Variants in ACADS observed in about 807,000 individuals in gnomAD.
ACADS encodes the protein acyl-CoA dehydrogenase short chain.
ACADS carries 28 observed loss-of-function variants against 46.8 expected under a neutral mutation model. That is an observed-to-expected ratio of 0.60 (90% confidence interval 0.44 to 0.82). The LOEUF (loss-of-function observed/expected upper bound fraction) is 0.82. Among genes scored for constraint, ACADS ranks in the 40% least tolerant of loss-of-function variants. The pLI is 0.00. For missense variants in ACADS, 528 were observed against 578.0 expected (o/e 0.91, Z 0.89); for synonymous variants, 236 against 237.7 (o/e 0.99, Z 0.07).
At chr12:120,732,281 CCCGGACGGGGCGGCTGG>C (rs1883272946) in intron 2 of ACADS, among the ~76,000 whole-genome samples, 1 of 149,972 alleles carries the variant, frequency 6.7e-6, no homozygotes, top group Non-Finnish European at 1.5e-5. Context: ...CCACCTCCCT[CCCGGACGGGGCGGCTGG>C]CCGGGCGGGG....
At chr12:120,735,290 GA>G (rs1276943037) in intron 2 of ACADS, among the ~76,000 whole-genome samples, 1 of 54,526 alleles carries the variant, frequency 1.8e-5, no homozygotes, top group Non-Finnish European at 3.6e-5. Flanking sequence ...AAAAAAAAAA[GA>G]AAAAAGAAAC....
chr12:120,739,365 C>T lies in ACADS; in HGVS notation c.1156C>T (p.Arg386Cys), dbSNP rs537072819. The change falls in exon 10 of 10, where the codon CGC (arginine) becomes TGC (cysteine). Residue 386 changes from arginine to cysteine, a missense_variant. Physicochemically the swap from Arg to Cys is radical, Grantham distance 180. Transcript: ENST00000242592. ...MPAERHYRDA[R>C]ITEIYEGTSE... ...GGCAGAGCGGCACTACCGCGACGCC[C>T]GCATCACTGAGATCTACGAGGGCAC... is the stretch of plus-strand genomic sequence containing the variant. 5.9e-5 allele frequency: 95 copies of T among 1,612,986 alleles called. No homozygotes were observed. Among genetic ancestry groups the T allele is most frequent in the South Asian group, 1.4e-4 (13 of 91,078 alleles).
chr12:120,727,129 G>A lies in ACADS; in HGVS notation c.150G>A (p.Glu50=), dbSNP rs1883110082. Residue 50 remains glutamate, a synonymous_variant, in exon 2 of 10, where the codon GAG becomes GAA. Transcript: ENST00000242592. ...MLLQTCRDFA[E]KELFPIAAQV... ...TCCAGACATGCCGGGACTTTGCCGAGAAGGAGTTGTTTCCCATTGCAGCCC... is the reference window on the plus strand; with the variant it reads ...TCCAGACATGCCGGGACTTTGCCGAAAAGGAGTTGTTTCCCATTGCAGCCC... 6.2e-7 allele frequency: 1 copy of A among 1,614,176 alleles called. No individual in the cohort carries two copies. The highest frequency in any genetic ancestry group is 2.2e-5 in the East Asian group (1 of 44,886).
chr12:120,730,811 A>G (rs926672248), intron 2 of ACADS, among the ~76,000 whole-genome samples: 1 of 152,240 alleles, frequency 6.6e-6, no homozygotes, highest in South Asian at 2.1e-4. Flanking sequence ...GTCCAGGGAG[A>G]TCTGAAGGTG....
chr12:120,733,790 A>T (rs1239435275), intron 2 of ACADS, among the ~76,000 whole-genome samples: 1 of 151,190 alleles, frequency 6.6e-6, no homozygotes, highest in Non-Finnish European at 1.5e-5. Flanking sequence ...AAAGCAATAC[A>T]GATATATTCT....
In ACADS at chr12:120,728,867, G is replaced by A. The variant is rs532856628; in HGVS notation, c.210+1678G>A. Among the ~76,000 whole-genome samples, 32 of 152,316 alleles carry A rather than the reference G, an allele frequency of 2.1e-4. No individual in the cohort carries two copies. Among genetic ancestry groups the A allele is most frequent in the African/African-American group, 7.2e-4 (30 of 41,572 alleles). Reference sequence around the variant, plus strand: ...TTTTTATATGAGGGACCCACTAACCGTTTCCCAGATATGAAGGCAGCAGGT... The same window carrying A: ...TTTTTATATGAGGGACCCACTAACCATTTCCCAGATATGAAGGCAGCAGGT... On this transcript the variant is annotated intron_variant, in intron 2 of 9. Coordinates refer to ENST00000242592, the MANE Select transcript of ACADS (RefSeq NM_000017.4). The surrounding 1 kb of genome is among the most constrained non-coding windows in gnomAD (Gnocchi z 4.0).
chr12:120,733,366 C>G (rs1243607142), intron 2 of ACADS, among the ~76,000 whole-genome samples: 1 of 152,098 alleles, frequency 6.6e-6, no homozygotes, highest in Admixed American at 6.5e-5. Context: ...TACCAAAGTG[C>G]TGGGAATACA....
intron 2 of ACADS, among the ~76,000 whole-genome samples, chr12:120,733,391 C>T (rs1234172571): frequency 6.6e-6 from 1 of 152,154 alleles, no homozygotes; most frequent in African/African-American, 2.4e-5. Context: ...TGAGCCACTG[C>T]GCCTGGCAAA....
At chr12:120,738,218 G>C in intron 5 of ACADS, 62 bp from the exon 6 acceptor site, 1 of 1,612,656 alleles carries the variant, frequency 6.2e-7, no homozygotes, top group Non-Finnish European at 8.5e-7. Flanking sequence ...GGTGTTGGGT[G>C]TGCTGGTGTG....
In ACADS at chr12:120,738,804, G is replaced by T; in HGVS notation, c.934-16G>T. 1 of 1,613,818 alleles carries T rather than the reference G, an allele frequency of 6.2e-7. No homozygotes were observed. The highest frequency in any genetic ancestry group is 2.2e-5 in the East Asian group (1 of 44,882). On this transcript the variant is annotated splice_polypyrimidine_tract_variant and intron_variant, in intron 7 of 9. Coordinates refer to ENST00000242592, the MANE Select transcript of ACADS (RefSeq NM_000017.4). ...GGGCAGCTGCTGACCTGTGGTGTGG[G>T]GTGGGGCTATTGCAGTTCAAGTTGG...
chr12:120,725,833 A>T lies in ACADS; in HGVS notation c.-53A>T. 6.6e-7 allele frequency: 1 copy of T among 1,520,374 alleles called. No individual in the cohort carries two copies. Among genetic ancestry groups the T allele is most frequent in the Non-Finnish European group, 8.8e-7 (1 of 1,139,092 alleles). The allele number at this position is 1,520,374 out of a possible 1,614,324, so 94.2% of individuals were successfully genotyped here. On this transcript the variant is annotated 5_prime_UTR_variant, in exon 1 of 10. Transcript: ENST00000242592. ...CGGGTCCCGCCCCCCAGCACTCCGG[A>T]ACAGCGCGCTCGCAGCGGGAGGTCG... is the stretch of plus-strand genomic sequence containing the variant.
intron 2 of ACADS, 40 bp from the exon 3 acceptor site, chr12:120,736,946 C>G (rs780671336): frequency 6.4e-6 from 10 of 1,554,784 alleles, no homozygotes; most frequent in Non-Finnish European, 4.3e-6. Context: ...GGCTCGCCCC[C>G]GGCAGCTGCC....
At chr12:120,739,075 A>C in intron 8 of ACADS, 65 bp from the exon 9 acceptor site, 1 of 1,608,134 alleles carries the variant, frequency 6.2e-7, no homozygotes, top group South Asian at 1.1e-5. Context: ...CTGCTGAGGG[A>C]GTGGGGGAGC....
intron 2 of ACADS, among the ~76,000 whole-genome samples, chr12:120,729,702 C>CT (rs1199267234): frequency 6.6e-6 from 1 of 152,146 alleles, no homozygotes; most frequent in Non-Finnish European, 1.5e-5. Flanking sequence ...TTTGTCCCCA[C>CT]TTTTTTTCTA....
At chr12:120,726,239 C>T (rs1883081403) in intron 1 of ACADS, among the ~76,000 whole-genome samples, 1 of 151,856 alleles carries the variant, frequency 6.6e-6, no homozygotes, top group Middle Eastern at 3.2e-3. Context: ...CTTCCGGAGC[C>T]AGGCCTGGGA....
intron 2 of ACADS, among the ~76,000 whole-genome samples, chr12:120,729,150 C>T (rs966041118): frequency 2.6e-5 from 4 of 152,226 alleles, no homozygotes; most frequent in Non-Finnish European, 4.4e-5. Flanking sequence ...GGGGCTGGGA[C>T]GGGCGCCTGG....
Position 120,727,153 on chromosome 12 carries a change from C to T in ACADS, c.174C>T (p.Ala58=). The T allele has an allele frequency of 6.2e-7, 1 of 1,614,138 alleles. No individual in the cohort carries two copies. Among genetic ancestry groups the T allele is most frequent in the Non-Finnish European group, 8.5e-7 (1 of 1,180,022 alleles). ...FAEKELFPIA[A]QVDKEHLFPA... is the part of the protein sequence containing the mutation. ...AGAAGGAGTTGTTTCCCATTGCAGC[C>T]CAGGTGGATAAGGAACATCTCTTCC... The change falls in exon 2 of 10, where the codon GCC becomes GCT. Residue 58 remains alanine, a synonymous_variant. Transcript: ENST00000242592.
intron 2 of ACADS, among the ~76,000 whole-genome samples, chr12:120,732,150 G>A (rs1332017627): frequency 2.0e-5 from 3 of 152,182 alleles, no homozygotes; most frequent in Non-Finnish European, 4.4e-5. Context: ...GAGCTGTTGG[G>A]TACACCTCCC....
intron 2 of ACADS, among the ~76,000 whole-genome samples, chr12:120,735,348 TAAAAAA>T (rs756263687): frequency 6.9e-4 from 50 of 72,266 alleles, no homozygotes; most frequent in African/African-American, 2.7e-3. Flanking sequence ...GCGCAGTCCT[TAAAAAA>T]AAAAAAAAAA....
Sources: gnomAD v4.1 joint callset for allele counts (sites outside exome capture counted in the v4.1 genomes callset) on GRCh38, gnomAD v4.1.1 for gene constraint, Gnocchi (gnomAD v3.1) non-coding constraint, MANE v1.5 for transcripts, NCBI Gene and HGNC (gene_info 2026-07-23, HGNC 2026-07-21) for gene names.